Variants in NKAIN3 observed in about 807,000 individuals in gnomAD.
NKAIN3 encodes the protein sodium/potassium transporting ATPase interacting 3.
In NKAIN3, 25 loss-of-function variants were observed where a neutral mutation model predicts 30.2. The observed-to-expected ratio is 0.83, with a 90% CI of 0.60 to 1.16. The LOEUF (loss-of-function observed/expected upper bound fraction) is 1.16. NKAIN3 is among the 50% of genes most tolerant of loss of function. The pLI, the probability that NKAIN3 is intolerant of heterozygous loss-of-function variation, is 0.00. For synonymous variants in NKAIN3, 91 were observed against 89.6 expected, an observed-to-expected ratio of 1.02 and a Z score of -0.09; for missense variants, 225 against 254.1, an observed-to-expected ratio of 0.89 and a Z score of 0.78.
chr8:62,526,859 G>A (rs568420142), intron 1 of NKAIN3, among the ~76,000 whole-genome samples: 3 of 152,188 alleles, frequency 2.0e-5, no homozygotes, highest in South Asian at 4.2e-4. Context: ...GATCAGCTCA[G>A]CAGTAACAAC....
At chr8:62,856,057 G>T in intron 4 of NKAIN3, 1 of 697,218 alleles carries the variant, frequency 1.4e-6, no homozygotes, top group Admixed American at 2.0e-5. Context: ...ATTACCAAGG[G>T]CTTACACCCC....
At chr8:62,258,117 C>T (rs368615917) in intron 1 of NKAIN3, among the ~76,000 whole-genome samples, 1 of 152,030 alleles carries the variant, frequency 6.6e-6, no homozygotes, top group African/African-American at 2.4e-5. Context: ...AGGATTGGAA[C>T]AGTTATCCAG....
intron 4 of NKAIN3, among the ~76,000 whole-genome samples, chr8:62,862,743 G>C (rs1458573065): frequency 6.6e-6 from 1 of 152,068 alleles, no homozygotes; most frequent in East Asian, 1.9e-4. Flanking sequence ...TGAAGAAATG[G>C]AAAGAATGAA....
At chr8:62,714,878 C>G (rs905533210) in intron 3 of NKAIN3, among the ~76,000 whole-genome samples, 3 of 152,176 alleles carry the variant, frequency 2.0e-5, no homozygotes, top group African/African-American at 7.2e-5. Flanking sequence ...CAAAATGCCT[C>G]CAACATTAAG....
chr8:62,868,353 T>C (rs76854562), intron 4 of NKAIN3, among the ~76,000 whole-genome samples: 42 of 148,648 alleles, frequency 2.8e-4, no homozygotes, highest in Non-Finnish European at 5.1e-4. Context: ...TTTTTTTTTT[T>C]CCTTGTGACC....
At chr8:62,555,347 A>C (rs983904786) in intron 1 of NKAIN3, among the ~76,000 whole-genome samples, 6 of 152,136 alleles carry the variant, frequency 3.9e-5, no homozygotes, top group Non-Finnish European at 8.8e-5. Context: ...TTAAAAAATG[A>C]AAGAGTTTTG....
At position 62,478,697 on chromosome 8, in the gene NKAIN3, G is replaced by A. The variant is rs947056304; in HGVS notation, c.55-100842G>A. On this transcript the variant is annotated intron_variant, in intron 1 of 6. Transcript: ENST00000623646. Reference sequence around the variant, plus strand: ...TAGTCCTTTAAAATCATCTGGAAAGGTTTTAAAAAATATTTATTTCCTGAG... The same window carrying A: ...TAGTCCTTTAAAATCATCTGGAAAGATTTTAAAAAATATTTATTTCCTGAG... Among the ~76,000 whole-genome samples the A allele has an allele frequency of 2.6e-5, 4 of 152,118 alleles. 1 individual carries two copies. The highest frequency in any genetic ancestry group is 1.3e-4 in the Admixed American group (2 of 15,272).
Position 62,360,821 on chromosome 8 carries a change from A to G in NKAIN3, c.54+111694A>G, listed in dbSNP as rs567066915. On this transcript the variant is annotated intron_variant, in intron 1 of 6. Coordinates refer to ENST00000623646, the MANE Select transcript of NKAIN3 (RefSeq NM_001304533.3). ...GGGTGCCCCTGTATTGGGTGCATATATATTTAGGGTAGTTAGCTCTCTTGT... is the reference window on the plus strand; with the variant it reads ...GGGTGCCCCTGTATTGGGTGCATATGTATTTAGGGTAGTTAGCTCTCTTGT... 2.6e-5 allele frequency among the ~76,000 whole-genome samples: 4 copies of G among 152,230 alleles called. No individual in the cohort carries two copies. The South Asian group carries it at 6.2e-4, about 24-fold the overall frequency.
In NKAIN3 at chr8:62,969,680, A is replaced by T. The variant is rs1418595495; in HGVS notation, c.*4273A>T. On this transcript the variant is annotated 3_prime_UTR_variant, in exon 7 of 7. Coordinates refer to ENST00000623646, the MANE Select transcript of NKAIN3 (RefSeq NM_001304533.3). ...GAATTAAGTAGGAAAAATATAAATA[A>T]TTGCTCTTTTAAAACTATAACAACT... Among the ~76,000 whole-genome samples, 1 of 152,100 alleles carries T rather than the reference A, an allele frequency of 6.6e-6. No homozygotes were observed. Among genetic ancestry groups the T allele is most frequent in the East Asian group, 1.9e-4 (1 of 5,190 alleles).
intron 1 of NKAIN3, among the ~76,000 whole-genome samples, chr8:62,494,335 A>T (rs985343931): frequency 6.6e-6 from 1 of 152,120 alleles, no homozygotes; most frequent in African/African-American, 2.4e-5. Context: ...ACTGATTTGC[A>T]TATGTTGAAC....
intron 1 of NKAIN3, among the ~76,000 whole-genome samples, chr8:62,495,814 G>T (rs942357939): frequency 6.6e-6 from 1 of 151,994 alleles, no homozygotes; most frequent in Non-Finnish European, 1.5e-5. Flanking sequence ...ATTCACAGGG[G>T]TTAGGTAACT....
chr8:62,760,047 A>T (rs1220897764), intron 4 of NKAIN3, among the ~76,000 whole-genome samples: 1 of 99,454 alleles, frequency 1.0e-5, no homozygotes, highest in African/African-American at 4.8e-5. Flanking sequence ...ACTGGCCATC[A>T]GAGAAATGCA....
chr8:62,354,723 G>GT (rs1275594593), intron 1 of NKAIN3, among the ~76,000 whole-genome samples: 3 of 152,156 alleles, frequency 2.0e-5, no homozygotes, highest in African/African-American at 7.2e-5. Flanking sequence ...GATTACAGAC[G>GT]TGAGCCACCG....
chr8:62,802,941 C>CA (rs779763328), intron 4 of NKAIN3, among the ~76,000 whole-genome samples: 5 of 151,720 alleles, frequency 3.3e-5, no homozygotes, highest in Non-Finnish European at 7.4e-5. Flanking sequence ...AAATGGAAAA[C>CA]AAAAAAAGGC....
intron 4 of NKAIN3, among the ~76,000 whole-genome samples, chr8:62,750,105 C>T (rs1453262597): frequency 1.3e-5 from 2 of 151,868 alleles, no homozygotes; most frequent in African/African-American, 4.8e-5. Flanking sequence ...GCCCGAGGGG[C>T]GTGGGCAACA....
intron 4 of NKAIN3, among the ~76,000 whole-genome samples, chr8:62,762,029 A>G (rs1444384360): frequency 6.6e-6 from 1 of 152,194 alleles, no homozygotes; most frequent in Non-Finnish European, 1.5e-5. Flanking sequence ...CTTAGGAAGT[A>G]GCATTGCTGG....
chr8:62,553,528 T>C (rs1180841355), intron 1 of NKAIN3, among the ~76,000 whole-genome samples: 3 of 149,148 alleles, frequency 2.0e-5, no homozygotes, highest in Admixed American at 6.8e-5. Context: ...GTTGTATTTT[T>C]ATACTGAACA....
At chr8:62,957,022 T>C (rs1823437644) in intron 6 of NKAIN3, among the ~76,000 whole-genome samples, 1 of 152,228 alleles carries the variant, frequency 6.6e-6, no homozygotes, top group South Asian at 2.1e-4. Flanking sequence ...GGCAGTTTCT[T>C]ACAAAACTAA....
chr8:62,586,489 TTACTC>T (rs1452790214), intron 2 of NKAIN3, among the ~76,000 whole-genome samples: 2 of 152,130 alleles, frequency 1.3e-5, no homozygotes, highest in Non-Finnish European at 2.9e-5. Context: ...TTTTTCCCCT[TTACTC>T]TACTAAAAAA....
Sources: gnomAD v4.1 joint callset for allele counts (sites outside exome capture counted in the v4.1 genomes callset) on GRCh38, gnomAD v4.1.1 for gene constraint, MANE v1.5 for transcripts, NCBI Gene and HGNC (gene_info 2026-07-23, HGNC 2026-07-21) for gene names.